UNKL: variants seen among roughly 807,000 people sequenced by gnomAD.
UNKL encodes the protein unk like zinc finger.
A neutral mutation model predicts 78.0 loss-of-function variants in UNKL; 60 were observed. That is an observed-to-expected ratio of 0.77 (90% CI 0.63 to 0.95). UNKL has a LOEUF of 0.95. Ranked by LOEUF, UNKL falls within the 40% of genes least tolerant of loss-of-function variation. The pLI, the probability that UNKL is intolerant of heterozygous loss-of-function variation, is 0.00. For synonymous variants in UNKL, 608 were observed against 474.8 expected (o/e 1.28, Z -3.65); for missense variants, 1,159 against 1,045.7 (o/e 1.11, Z -1.49).
At chr16:1,379,679 T>C in intron 10 of UNKL, 3 of 983,306 alleles carry the variant, frequency 3.1e-6, no homozygotes, top group Non-Finnish European at 3.6e-6. Flanking sequence ...CGCCGGGGAT[T>C]CAAACCCGGC....
intron 12 of UNKL, chr16:1,369,837 TG>T: frequency 9.9e-7 from 1 of 1,013,740 alleles, no homozygotes; most frequent in Non-Finnish European, 1.4e-6. Flanking sequence ...TAGCTGGGCG[TG>T]GTGGCGCCCG....
At chr16:1,397,117 C>T in intron 6 of UNKL, 61 bp downstream of exon 6, 1 of 1,491,936 alleles carries the variant, frequency 6.7e-7, no homozygotes, top group Non-Finnish European at 9.1e-7. Flanking sequence ...ACGCTGTGAA[C>T]CCCACAGCTT....
chr16:1,383,697 C>T (rs1447855049), intron 10 of UNKL: 1 of 399,414 alleles, frequency 2.5e-6, no homozygotes, highest in Non-Finnish European at 5.3e-6. Flanking sequence ...CCAGAAGCTG[C>T]GGCTCTCGGG....
At position 1,367,293 on chromosome 16, in the gene UNKL, G is replaced by A. The variant is rs766472161; in HGVS notation, c.1845C>T (p.Ala615=). The change falls in exon 14 of 15, where the codon GCC becomes GCT. Residue 615 remains alanine (A), a synonymous_variant. Coordinates refer to ENST00000389221, the MANE Select transcript of UNKL (RefSeq NM_001372107.1). The part of the protein sequence containing the change: ...AQEAKERARV[A]DSDRQLALQK... ...GCAGCGCCAGCTGCCGGTCGCTATC[G>A]GCCACACGGGCACGCTCCTTGGCCT... is the stretch of plus-strand genomic sequence containing the variant. 1.8e-5 allele frequency: 28 copies of A among 1,559,932 alleles called. 1 individual carries two copies. Among genetic ancestry groups the A allele is most frequent in the Middle Eastern group, 3.3e-4 (2 of 6,008 alleles).
Position 1,366,230 on chromosome 16 carries a change from C to G in UNKL, c.*10G>C. ...GGGTGCCCAGCAGGAGGTGGCTGTC[C>G]CCGCTGAGGTCACCACTGCAGGGGC... On this transcript the variant is annotated 3_prime_UTR_variant, in exon 15 of 15. Coordinates refer to ENST00000389221, the MANE Select transcript of UNKL (RefSeq NM_001372107.1). 6.6e-7 allele frequency: 1 copy of G among 1,520,320 alleles called. No homozygotes were observed. The highest frequency in any genetic ancestry group is 8.9e-7 in the Non-Finnish European group (1 of 1,127,820). The allele number at this position is 1,520,320 out of a possible 1,614,324, so 94.2% of individuals were successfully genotyped here.
intron 8 of UNKL, 51 bp from the exon 9 acceptor site, chr16:1,390,745 A>G: frequency 6.5e-7 from 1 of 1,529,112 alleles, no homozygotes; most frequent in Non-Finnish European, 8.8e-7. Flanking sequence ...GGAAATGTAA[A>G]TTAAAAACAT....
intron 4 of UNKL, 40 bp downstream of exon 4, chr16:1,401,528 C>CG: frequency 7.0e-7 from 1 of 1,438,078 alleles, no homozygotes; most frequent in Non-Finnish European, 9.3e-7. Flanking sequence ...GCTGTGCCCG[C>CG]CCCCCCCACC....
At chr16:1,374,694 G>A (rs1191346450) in intron 10 of UNKL, among the ~76,000 whole-genome samples, 1 of 152,112 alleles carries the variant, frequency 6.6e-6, no homozygotes, top group Non-Finnish European at 1.5e-5. Context: ...ACCCAGCAGG[G>A]AGCTGGCTGA....
At chr16:1,413,799 G>GC in intron 2 of UNKL, 47 bp downstream of exon 2, 2 of 1,476,318 alleles carry the variant, frequency 1.4e-6, no homozygotes, top group South Asian at 1.3e-5. Context: ...CCGGGTGGAG[G>GC]CCCCCCACCT....
rs201417307 is a variant in UNKL at position 1,414,080 on chromosome 16, C to G, written c.78-25G>C. ...CCTACAAACACAGACAGCGCCGCGG[C>G]TCGCTTCCGGCAGCACCTCCAGGGA... On this transcript the variant is annotated intron_variant, in intron 1 of 14. Coordinates refer to ENST00000389221, the MANE Select transcript of UNKL (RefSeq NM_001372107.1). 4.4e-3 allele frequency: 6,691 copies of G among 1,522,932 alleles called. 30 individuals carry two copies. Among genetic ancestry groups the G allele is most frequent in the Non-Finnish European group, 5.6e-3 (6,291 of 1,127,848 alleles). The allele number at this position is 1,522,932 out of a possible 1,614,324, so 94.3% of individuals were successfully genotyped here. A position where few individuals can be genotyped will look rare whatever the true frequency, so the allele number is the denominator to read the frequency against.
chr16:1,411,098 C>A (rs750972468), intron 2 of UNKL, among the ~76,000 whole-genome samples: 1 of 152,104 alleles, frequency 6.6e-6, no homozygotes, highest in Non-Finnish European at 1.5e-5. Context: ...CACCTGTAAT[C>A]CTAGCACTCT....
chr16:1,383,572 A>C (rs1303297540), intron 10 of UNKL: 4 of 354,734 alleles, frequency 1.1e-5, no homozygotes, highest in Non-Finnish European at 2.3e-5. Flanking sequence ...CTGTGGCCTA[A>C]GTGGCCGCTG....
rs918147459 is a variant in UNKL, at chr16:1,387,773, G to A, written c.1087-2388C>T. Among the ~76,000 whole-genome samples the A allele has an allele frequency of 2.6e-5, 4 of 152,044 alleles. No homozygotes were observed. The highest frequency in any genetic ancestry group is 1.9e-4 in the East Asian group (1 of 5,158). ...GGACGTGGACACTGCACCGCCGCAC[G>A]GCTGCCCGGCCTGCGGAAGCCCTCC... On this transcript the variant is annotated intron_variant, in intron 9 of 14. Coordinates refer to ENST00000389221, the MANE Select transcript of UNKL (RefSeq NM_001372107.1). The surrounding 1 kb of genome is among the most constrained non-coding windows in gnomAD (Gnocchi z 4.1).
intron 10 of UNKL, among the ~76,000 whole-genome samples, chr16:1,372,428 C>A (rs972923685): frequency 6.6e-6 from 1 of 152,170 alleles, no homozygotes; most frequent in African/African-American, 2.4e-5. Flanking sequence ...GCCAGCCCTG[C>A]CTTCCAAGGC....
intron 3 of UNKL, among the ~76,000 whole-genome samples, chr16:1,402,535 C>G (rs149119599): frequency 6.6e-6 from 1 of 152,062 alleles, no homozygotes; most frequent in Non-Finnish European, 1.5e-5. Flanking sequence ...TGGTGGTGTG[C>G]GCCTGTAGTC....
In UNKL at chr16:1,403,140, A is replaced by G. The variant is rs758191972; in HGVS notation, c.464+28T>C. 78 of 1,593,206 alleles carry G rather than the reference A, an allele frequency of 4.9e-5. No homozygotes were observed. The highest frequency in any genetic ancestry group is 3.8e-4 in the Middle Eastern group (2 of 5,330). On this transcript the variant is annotated intron_variant, in intron 3 of 14. Coordinates refer to ENST00000389221, the MANE Select transcript of UNKL (RefSeq NM_001372107.1). This position sits in a 1 kb window ranked among gnomAD's most constrained non-coding sequence, Gnocchi z 4.8. ...CAGAGCCCACAGCAGCAGGCAGGCC[A>G]AGTGCCCACTCGTGGATGCCCACTC...
chr16:1,370,381 G>T, intron 11 of UNKL, 24 bp from the exon 12 acceptor site: 1 of 1,530,508 alleles, frequency 6.5e-7, no homozygotes, highest in Non-Finnish European at 8.7e-7. Flanking sequence ...ACCAGTCAGC[G>T]AAGGGAGTAC....
At position 1,382,764 on chromosome 16, in the gene UNKL, C is replaced by T. The variant is rs928266869; in HGVS notation, c.1264+2444G>A. On this transcript the variant is annotated intron_variant, in intron 10 of 14. Coordinates refer to ENST00000389221, the MANE Select transcript of UNKL (RefSeq NM_001372107.1). Reference sequence around the variant, plus strand: ...CCTGAGGTTGGGAGTTCAAGACCAGCCTGGCCAACGTGGTGAAACCTCATC... The same window carrying T: ...CCTGAGGTTGGGAGTTCAAGACCAGTCTGGCCAACGTGGTGAAACCTCATC... 2.0e-5 allele frequency among the ~76,000 whole-genome samples: 3 copies of T among 151,238 alleles called. 1 individual carries two copies. Among genetic ancestry groups the T allele is most frequent in the African/African-American group, 7.3e-5 (3 of 41,072 alleles).
chr16:1,366,956 C>T, intron 14 of UNKL, 136 bp downstream of exon 14: 1 of 1,414,422 alleles, frequency 7.1e-7, no homozygotes, highest in African/African-American at 1.5e-5. Flanking sequence ...GGGGCACCGT[C>T]TCCTCCTCCC....
Sources: gnomAD v4.1 joint callset for allele counts (sites outside exome capture counted in the v4.1 genomes callset) on GRCh38, gnomAD v4.1.1 for gene constraint, Gnocchi (gnomAD v3.1) non-coding constraint, MANE v1.5 for transcripts, NCBI Gene and HGNC (gene_info 2026-07-23, HGNC 2026-07-21) for gene names.